The following MALRD1 variants were observed in gnomAD, a reference collection of about 807,000 sequenced individuals.
MALRD1 encodes MAM and LDL-receptor class A domain-containing protein 1.
A neutral mutation model predicts 242.1 loss-of-function variants in MALRD1; 247 were observed. The ratio of observed to expected loss-of-function variants is 1.02; its 90% CI spans 0.92 to 1.13. The LOEUF (loss-of-function observed/expected upper bound fraction) is 1.13, where lower values mean the gene tolerates loss of function less well. Among genes scored for constraint, MALRD1 ranks in the 50% most tolerant of loss-of-function variants. The pLI, the probability that MALRD1 is intolerant of heterozygous loss-of-function variation, is 0.00. For missense variants in MALRD1, 2,989 were observed against 2,533.1 expected, an observed-to-expected ratio of 1.18 and a Z score of -3.86; for synonymous variants, 995 against 866.6, an observed-to-expected ratio of 1.15 and a Z score of -2.60.
intron 36 of MALRD1, among the ~76,000 whole-genome samples, chr10:19,626,796 T>C (rs143307621): frequency 6.6e-6 from 1 of 152,240 alleles, no homozygotes. Flanking sequence ...AAATGACCAT[T>C]AGCCAATTAA....
At chr10:19,590,287 A>G (rs1837697303) in intron 33 of MALRD1, among the ~76,000 whole-genome samples, 1 of 148,184 alleles carries the variant, frequency 6.7e-6, no homozygotes. Flanking sequence ...TATTTTATAT[A>G]CATGTATATA....
At chr10:19,211,602 G>A (rs750229400) in intron 18 of MALRD1, among the ~76,000 whole-genome samples, 2 of 143,410 alleles carry the variant, frequency 1.4e-5, no homozygotes, top group African/African-American at 2.6e-5. Flanking sequence ...CAGGATAATC[G>A]CTTGAACCCA....
intron 19 of MALRD1, among the ~76,000 whole-genome samples, chr10:19,277,050 G>C (rs1349557889): frequency 6.6e-6 from 1 of 152,038 alleles, no homozygotes; most frequent in Non-Finnish European, 1.5e-5. Flanking sequence ...CTCCCAAGTA[G>C]TTGGAACTAC....
Position 19,331,408 on chromosome 10 carries a change from G to C in MALRD1, c.3727G>C (p.Asp1243His), listed in dbSNP as rs1167536569. The C allele has an allele frequency of 3.2e-6, 5 of 1,550,458 alleles. No individual in the cohort carries two copies. In the East Asian group the frequency reaches 1.2e-4, roughly 38 times the overall value. The change falls in exon 24 of 40, where the codon GAT becomes CAT. Residue 1243 changes from aspartate to histidine, a missense_variant. Physicochemically the swap from Asp to His is moderately conservative, Grantham distance 81. Transcript: ENST00000454679. ...RAKRGISYIG[D>H]VAVDDISFQD... ...CAAACGTGGTATCAGTTACATAGGA[G>C]ATGTAGCAGTGGATGATATTTCCTT...
chr10:19,165,270 G>A lies in MALRD1; in HGVS notation c.1657-367G>A, dbSNP rs1352686590. Among the ~76,000 whole-genome samples, 449 of 61,872 alleles carry A rather than the reference G, an allele frequency of 7.3e-3. 5 individuals are homozygous for A. Among genetic ancestry groups the A allele is most frequent in the African/African-American group, 0.044 (408 of 9,206 alleles). The allele number at this position is 61,872 out of a possible 152,430, so 40.6% of individuals were successfully genotyped here. A position where few individuals can be genotyped will look rare whatever the true frequency, so the allele number is the denominator to read the frequency against. On this transcript the variant is annotated intron_variant, in intron 12 of 39. Transcript: ENST00000454679. Reference sequence around the variant, plus strand: ...ATATATATATATATATATATATTTTGTTTTGTTTTGTTTTTGTTTTGTTTT... The same window carrying A: ...ATATATATATATATATATATATTTTATTTTGTTTTGTTTTTGTTTTGTTTT...
At chr10:19,124,076 G>A (rs974592562) in intron 6 of MALRD1, among the ~76,000 whole-genome samples, 10 of 150,176 alleles carry the variant, frequency 6.7e-5, no homozygotes, top group African/African-American at 1.5e-4. Context: ...AATCACCTGA[G>A]CATGGTGGCA....
In MALRD1 at chr10:19,567,502, G is replaced by A. The variant is rs1300864248; in HGVS notation, c.5479G>A (p.Val1827Met). 7 of 1,549,882 alleles carry A rather than the reference G, an allele frequency of 4.5e-6. No individual in the cohort carries two copies. In the Admixed American group the frequency reaches 7.8e-5, roughly 17 times the overall value. The change falls in exon 33 of 40, where the codon GTG becomes ATG. Residue 1827 changes from valine (V) to methionine (M), a missense_variant and splice_region_variant. Coordinates refer to ENST00000454679, the MANE Select transcript of MALRD1 (RefSeq NM_001142308.3). ...IDPRSMGILK[V>M]YTIEESGLNI... ...AGTTATTTTTTAATGATTTTTAAAG[G>A]TGTATACCATTGAAGAATCGGGGCT... is the stretch of plus-strand genomic sequence containing the variant.
intron 21 of MALRD1, among the ~76,000 whole-genome samples, chr10:19,284,671 T>C (rs1262204749): frequency 7.4e-6 from 1 of 135,050 alleles, no homozygotes; most frequent in Non-Finnish European, 1.6e-5. Flanking sequence ...TTTGGGTTGG[T>C]TCCAAGTCTT....
At chr10:19,388,919 G>A (rs1221240488) in intron 27 of MALRD1, among the ~76,000 whole-genome samples, 1 of 150,520 alleles carries the variant, frequency 6.6e-6, no homozygotes, top group South Asian at 2.1e-4. Flanking sequence ...ACCAAGGCAG[G>A]GAAAGCAAGA....
chr10:19,531,110 A>C, intron 31 of MALRD1, 84 bp from the exon 32 acceptor site: 1 of 1,152,960 alleles, frequency 8.7e-7, no homozygotes. Flanking sequence ...AAGGATAAAA[A>C]GATATCTGTT....
chr10:19,393,365 A>G (rs1846416982), intron 28 of MALRD1, among the ~76,000 whole-genome samples: 1 of 151,926 alleles, frequency 6.6e-6, no homozygotes, highest in Non-Finnish European at 1.5e-5. Flanking sequence ...GTTTTACAAC[A>G]TGAAATTAAC....
chr10:19,141,986 C>T (rs1261348387), intron 10 of MALRD1, among the ~76,000 whole-genome samples: 4 of 151,778 alleles, frequency 2.6e-5, no homozygotes, highest in Non-Finnish European at 4.4e-5. Context: ...TCCTTGCTAA[C>T]ACAGTGAAAC....
chr10:19,519,820 T>C (rs949622943), intron 31 of MALRD1, among the ~76,000 whole-genome samples: 1 of 152,196 alleles, frequency 6.6e-6, no homozygotes, highest in African/African-American at 2.4e-5. Flanking sequence ...ATTTGTTCAA[T>C]GATTAAGTAA....
chr10:19,199,779 G>A (rs905755055), intron 14 of MALRD1, among the ~76,000 whole-genome samples: 4 of 150,830 alleles, frequency 2.7e-5, no homozygotes, highest in East Asian at 1.9e-4. Context: ...CCATTCTGGG[G>A]TATAGAGCAA....
intron 18 of MALRD1, among the ~76,000 whole-genome samples, chr10:19,229,081 A>G (rs1247946490): frequency 6.6e-6 from 1 of 151,994 alleles, no homozygotes; most frequent in African/African-American, 2.4e-5. Context: ...GTAATTTTGT[A>G]TTGTGTTTGA....
chr10:19,615,158 C>G (rs1461874925), intron 35 of MALRD1, among the ~76,000 whole-genome samples: 2 of 151,924 alleles, frequency 1.3e-5, no homozygotes, highest in Non-Finnish European at 2.9e-5. Flanking sequence ...CTGATCTGGT[C>G]ACTATACACT....
At chr10:19,113,473 C>T (rs1008005715) in intron 5 of MALRD1, among the ~76,000 whole-genome samples, 2 of 151,720 alleles carry the variant, frequency 1.3e-5, no homozygotes, top group Non-Finnish European at 2.9e-5. Flanking sequence ...TCTCCTTCAT[C>T]CTCTCCCTAT....
chr10:19,280,054 G>T lies in MALRD1; in HGVS notation c.3087G>T (p.Leu1029Phe), dbSNP rs1301631410. The T allele has an allele frequency of 4.0e-6, 6 of 1,500,916 alleles. No individual in the cohort carries two copies. The African/African-American group carries it at 8.5e-5, about 21-fold the overall frequency. 93.0% of individuals were successfully genotyped at this position (1,500,916 alleles called of 1,614,324 possible). A position where few individuals can be genotyped will look rare whatever the true frequency, so the allele number is the denominator to read the frequency against. ...FMDCTLYPGN[L>F]PADLPTPPET... ...ATATTATTTCTTATCAAGGTAATTT[G>T]CCAGCAGACCTCCCAACTCCACCAG... Residue 1029 changes from leucine to phenylalanine, a missense_variant, in exon 20 of 40, where the codon TTG becomes TTT. By Grantham distance (22) the Leu-to-Phe change is conservative. Transcript: ENST00000454679.
chr10:19,049,037 A>C lies in MALRD1; in HGVS notation c.99A>C (p.Gln33His), dbSNP rs1051506404. 1 of 1,233,814 alleles carries C rather than the reference A, an allele frequency of 8.1e-7. No individual in the cohort carries two copies. Among genetic ancestry groups the C allele is most frequent in the African/African-American group, 1.6e-5 (1 of 64,502 alleles). The allele number at this position is 1,233,814 out of a possible 1,614,324, so 76.4% of individuals were successfully genotyped here. Residue 33 changes from glutamine to histidine, a missense_variant, in exon 1 of 40, where the codon CAA (glutamine) becomes CAC (histidine). Coordinates refer to ENST00000454679, the MANE Select transcript of MALRD1 (RefSeq NM_001142308.3). ...ACVFNSTLAQ[Q>H]GTESFQCDNG... ...TTTTCAATTCTACACTGGCTCAGCA[A>C]GGGACAGAAAGCTTTCAGTGTGACA...
Sources: allele counts gnomAD v4.1 joint callset (sites outside exome capture counted in the v4.1 genomes callset), GRCh38; gene constraint gnomAD v4.1.1; transcripts MANE v1.5; gene names NCBI Gene and HGNC (gene_info 2026-07-23, HGNC 2026-07-21).